Variants in SAMMSON observed in about 807,000 individuals in gnomAD.
SAMMSON encodes long intergenic non-protein coding RNA 1212.
intron 3 of SAMMSON, among the ~76,000 whole-genome samples, chr3:70,053,228 A>G (rs180968504): frequency 3.3e-4 from 51 of 152,266 alleles, no homozygotes; most frequent in Admixed American, 2.5e-3. Context: ...TGTAGTGGTT[A>G]AATAGCAGAA....
chr3:70,071,703 T>G (rs758029166), intron 4 of SAMMSON: 32 of 152,028 alleles, frequency 2.1e-4, no homozygotes, highest in Non-Finnish European at 2.6e-4. Flanking sequence ...TGGTTATCAA[T>G]GATGATCAAC....
chr3:70,051,661 T>A (rs1251465932), intron 3 of SAMMSON, among the ~76,000 whole-genome samples: 1 of 151,850 alleles, frequency 6.6e-6, no homozygotes, highest in Non-Finnish European at 1.5e-5. Context: ...AACTAGCATC[T>A]TTTTGTACAA....
At chr3:70,186,459 A>G (rs1383631035) in intron 4 of SAMMSON, among the ~76,000 whole-genome samples, 1 of 151,764 alleles carries the variant, frequency 6.6e-6, no homozygotes, top group East Asian at 1.9e-4. Flanking sequence ...TTTTTTTTGT[A>G]GAGATGAGGT....
At chr3:70,177,279 C>T (rs1701015376) in intron 4 of SAMMSON, among the ~76,000 whole-genome samples, 1 of 152,162 alleles carries the variant, frequency 6.6e-6, no homozygotes, top group African/African-American at 2.4e-5. Context: ...TCTGACACTT[C>T]CCTGTGTGCT....
chr3:70,326,009 G>A (rs887198296), intron 7 of SAMMSON, among the ~76,000 whole-genome samples: 6 of 152,012 alleles, frequency 3.9e-5, no homozygotes, highest in South Asian at 2.1e-4. Context: ...TCCTAGAACC[G>A]CTCTCAGAAC....
chr3:70,368,399 A>C (rs1702937743), intron 9 of SAMMSON, among the ~76,000 whole-genome samples: 1 of 151,630 alleles, frequency 6.6e-6, no homozygotes, highest in Admixed American at 6.6e-5. Context: ...ACTGTTAGGA[A>C]ATATTCTAAA....
At chr3:70,074,849 C>G (rs1046427326) in intron 4 of SAMMSON, 1 of 152,114 alleles carries the variant, frequency 6.6e-6, no homozygotes, top group Admixed American at 6.6e-5. Context: ...TCTGATCAGC[C>G]TGAAATGCCT....
intron 6 of SAMMSON, among the ~76,000 whole-genome samples, chr3:70,270,443 T>G (rs937487322): frequency 1.3e-5 from 2 of 152,098 alleles, no homozygotes; most frequent in Non-Finnish European, 2.9e-5. Flanking sequence ...AAGCACTAAG[T>G]TTTGTGTTTC....
chr3:70,309,352 A>C (rs1487754996), intron 7 of SAMMSON, among the ~76,000 whole-genome samples: 1 of 152,218 alleles, frequency 6.6e-6, no homozygotes, highest in Non-Finnish European at 1.5e-5. Flanking sequence ...TACTATAAAA[A>C]GCATTGTTGC....
At chr3:70,045,046 TA>T (rs1234389151) in intron 3 of SAMMSON, among the ~76,000 whole-genome samples, 2 of 123,808 alleles carry the variant, frequency 1.6e-5, no homozygotes, top group African/African-American at 6.4e-5. Flanking sequence ...ATAATTAATA[TA>T]TATAATTAAT....
At chr3:70,282,805 T>C (rs1450158016) in intron 6 of SAMMSON, among the ~76,000 whole-genome samples, 2 of 152,192 alleles carry the variant, frequency 1.3e-5, no homozygotes, top group Admixed American at 6.5e-5. Flanking sequence ...TATCTATGAC[T>C]GTTTGGTTTA....
intron 4 of SAMMSON, among the ~76,000 whole-genome samples, chr3:70,147,097 A>G (rs1421071541): frequency 6.6e-6 from 1 of 152,032 alleles, no homozygotes; most frequent in East Asian, 1.9e-4. Flanking sequence ...ATACTTGGTT[A>G]CAAATCTGAC....
At chr3:70,229,948 G>T (rs1054684805) in intron 4 of SAMMSON, among the ~76,000 whole-genome samples, 12 of 152,168 alleles carry the variant, frequency 7.9e-5, no homozygotes, top group Admixed American at 2.6e-4. Context: ...GAATTATAAT[G>T]ATACAAATAT....
chr3:70,016,177 C>A (rs555992615), intron 3 of SAMMSON, among the ~76,000 whole-genome samples: 1 of 152,174 alleles, frequency 6.6e-6, no homozygotes, highest in Non-Finnish European at 1.5e-5. Context: ...TACAGTCCCA[C>A]CAGCAGTGTA....
intron 7 of SAMMSON, chr3:70,292,029 T>C (rs1192534659): frequency 6.6e-6 from 1 of 152,188 alleles, no homozygotes; most frequent in East Asian, 1.9e-4. Context: ...GAATAAATAG[T>C]CTCTTCCTTC....
At chr3:70,062,801 A>C (rs888427103) in intron 3 of SAMMSON, among the ~76,000 whole-genome samples, 1 of 151,936 alleles carries the variant, frequency 6.6e-6, no homozygotes, top group Non-Finnish European at 1.5e-5. Flanking sequence ...TCATGTGTTC[A>C]TCTCTGAGTT....
chr3:70,422,761 A>AT (rs1268378055), intron 2 of SAMMSON, among the ~76,000 whole-genome samples: 4 of 152,002 alleles, frequency 2.6e-5, no homozygotes, highest in African/African-American at 9.7e-5. Context: ...ACCCATATAA[A>AT]TAAAAAAAAG....
chr3:70,030,025 A>G (rs1043039565), intron 3 of SAMMSON, among the ~76,000 whole-genome samples: 2 of 152,194 alleles, frequency 1.3e-5, no homozygotes, highest in African/African-American at 4.8e-5. Flanking sequence ...AAATGAATTT[A>G]ATCTTGATTC....
chr3:70,322,623 T>C (rs1702545962), intron 7 of SAMMSON, among the ~76,000 whole-genome samples: 1 of 152,162 alleles, frequency 6.6e-6, no homozygotes, highest in Admixed American at 6.6e-5. Context: ...GATATTTAAA[T>C]AGATTGAACT....
Sources: gnomAD v4.1 joint callset for allele counts (sites outside exome capture counted in the v4.1 genomes callset) on GRCh38, gnomAD v4.1.1 for gene constraint, MANE v1.5 for transcripts, NCBI Gene and HGNC (gene_info 2026-07-23, HGNC 2026-07-21) for gene names.